COL18A1: variants seen among roughly 807,000 people sequenced by gnomAD.
COL18A1 encodes collagen type XVIII alpha 1 chain.
A neutral mutation model predicts 168.0 loss-of-function variants in COL18A1; 133 were observed. The observed-to-expected ratio is 0.79, with a 90% CI of 0.69 to 0.91. COL18A1 has a LOEUF of 0.91. Among genes scored for constraint, COL18A1 ranks in the 40% least tolerant of loss-of-function variants. The probability of loss-of-function intolerance (pLI) is 0.00; values close to 1 mark genes in which losing one functional copy is unlikely to be tolerated. For missense variants in COL18A1, 2,126 were observed against 1,925.4 expected (o/e 1.10, Z -1.95); for synonymous variants, 949 against 809.0 (o/e 1.17, Z -2.94).
intron 2 of COL18A1, chr21:45,467,480 G>T (rs919322326): frequency 1.4e-5 from 13 of 956,052 alleles, no homozygotes; most frequent in Non-Finnish European, 1.4e-5. Flanking sequence ...GAATCAGCAT[G>T]GGGGGGATGG....
chr21:45,412,121 C>T lies in COL18A1; in HGVS notation c.106+6648C>T, dbSNP rs189079940. Among the ~76,000 whole-genome samples, 431 of 152,264 alleles carry T rather than the reference C, an allele frequency of 2.8e-3. 2 individuals carry two copies. The highest frequency in any genetic ancestry group is 6.8e-3 in the Middle Eastern group (2 of 294). ...GCCCTGCAGGTGCATTCTCTTTCCC[C>T]GTAGCTTTTTGTCTGTTGATGCTTT... On this transcript the variant is annotated intron_variant, in intron 2 of 41. Transcript: ENST00000651438.
intron 17 of COL18A1, among the ~76,000 whole-genome samples, chr21:45,487,871 G>A (rs550278359): frequency 6.6e-6 from 1 of 152,366 alleles, no homozygotes; most frequent in African/African-American, 2.4e-5. Context: ...GGCCTGAGTA[G>A]AATCTGAAAT....
intron 6 of COL18A1, among the ~76,000 whole-genome samples, chr21:45,476,710 G>C (rs1164391947): frequency 2.0e-5 from 3 of 151,364 alleles, no homozygotes; most frequent in Admixed American, 6.6e-5. Context: ...TATGTGATGT[G>C]TATGTAGTGT....
chr21:45,454,477 G>A (rs2034732390), intron 2 of COL18A1, among the ~76,000 whole-genome samples: 1 of 152,196 alleles, frequency 6.6e-6, no homozygotes, highest in African/African-American at 2.4e-5. Flanking sequence ...TGGATTGTGG[G>A]GTGAAACCTG....
intron 2 of COL18A1, among the ~76,000 whole-genome samples, chr21:45,408,778 C>T (rs891485150): frequency 2.6e-5 from 4 of 152,164 alleles, no homozygotes; most frequent in Non-Finnish European, 5.9e-5. Flanking sequence ...GGAAGGAGAC[C>T]CGGCTGGGTC....
rs556399518 is a variant in COL18A1 at position 45,425,299 on chromosome 21, A to G, written c.106+19826A>G. On this transcript the variant is annotated intron_variant, in intron 2 of 41. Coordinates refer to ENST00000651438, the MANE Select transcript of COL18A1 (RefSeq NM_001379500.1). This position sits in a 1 kb window ranked among gnomAD's most constrained non-coding sequence, Gnocchi z 4.1. ...CGGCCGTGTGTGTGTGTGTGCTGTG[A>G]GTGCAGTGTGACCGCGTCCACCTGT... 1.5e-4 allele frequency among the ~76,000 whole-genome samples: 23 copies of G among 151,882 alleles called. No individual in the cohort carries two copies. The highest frequency in any genetic ancestry group is 2.6e-4 in the Non-Finnish European group (18 of 67,972).
intron 2 of COL18A1, among the ~76,000 whole-genome samples, chr21:45,453,106 CATT>C (rs1029502047): frequency 5.3e-5 from 8 of 151,054 alleles, no homozygotes; most frequent in Admixed American, 1.3e-4. Context: ...GACATGTAAG[CATT>C]ATGTATGTGT....
intron 22 of COL18A1, 83 bp from the exon 23 acceptor site, chr21:45,492,452 T>G: frequency 6.6e-7 from 1 of 1,516,578 alleles, no homozygotes; most frequent in Non-Finnish European, 9.2e-7. Flanking sequence ...GTTTGGTGTT[T>G]TGTTGATCTG....
At chr21:45,465,615 G>C (rs1451994786) in intron 2 of COL18A1, among the ~76,000 whole-genome samples, 2 of 152,190 alleles carry the variant, frequency 1.3e-5, no homozygotes. Flanking sequence ...AGCACTCCAT[G>C]TGGGCACGAG....
chr21:45,465,453 G>C (rs991651825), intron 2 of COL18A1, among the ~76,000 whole-genome samples: 2 of 152,220 alleles, frequency 1.3e-5, no homozygotes, highest in Non-Finnish European at 2.9e-5. Context: ...TTGATGCCAA[G>C]ATGTCCCCCC....
intron 2 of COL18A1, among the ~76,000 whole-genome samples, chr21:45,454,681 C>G (rs1290627333): frequency 3.3e-5 from 5 of 152,228 alleles, no homozygotes; most frequent in Admixed American, 2.0e-4. Flanking sequence ...ATAAGGCACA[C>G]TCAGCACCCA....
rs1178631191 is a variant in COL18A1, at chr21:45,473,262, C to T, written c.652-633C>T. On this transcript the variant is annotated intron_variant, in intron 3 of 41. Coordinates refer to ENST00000651438, the MANE Select transcript of COL18A1 (RefSeq NM_001379500.1). The surrounding 1 kb of genome is among the most constrained non-coding windows in gnomAD (Gnocchi z 4.0). ...GGCCCGAGAGGGCAGGGTCAGGCACCCTGGCACTCAGCCCAGGACTGAAGA... is the reference window on the plus strand; with the variant it reads ...GGCCCGAGAGGGCAGGGTCAGGCACTCTGGCACTCAGCCCAGGACTGAAGA... Among the ~76,000 whole-genome samples, 5 of 152,220 alleles carry T rather than the reference C, an allele frequency of 3.3e-5. No individual in the cohort carries two copies. The highest frequency in any genetic ancestry group is 1.2e-4 in the African/African-American group (5 of 41,470).
At position 45,490,340 on chromosome 21, in the gene COL18A1, GC is replaced by G; in HGVS notation, c.2029del (p.Gln677ArgfsTer47). 1 of 1,578,204 alleles carries G rather than the reference GC, an allele frequency of 6.3e-7. No individual in the cohort carries two copies. The highest frequency in any genetic ancestry group is 1.2e-5 in the South Asian group (1 of 86,448). On this transcript the variant is annotated frameshift_variant, in exon 20 of 42. Transcript: ENST00000651438. LOFTEE classifies it high-confidence loss of function. ...GLPGREGIAG[P>X]QGPKGDRGSR... ...TCCCTGGCAGAGAGGGCATTGCTGGGCCCCAGGTGAGTTGCCTTGGTGGGCC... is the reference window on the plus strand; with the variant it reads ...TCCCTGGCAGAGAGGGCATTGCTGGGCCCAGGTGAGTTGCCTTGGTGGGCC...
intron 32 of COL18A1, chr21:45,502,401 T>A (rs1241009644): frequency 6.6e-6 from 1 of 152,230 alleles, no homozygotes; most frequent in African/African-American, 2.4e-5. Context: ...CAGCTTTAAG[T>A]AGTACCTGTT....
chr21:45,470,482 T>G (rs1212881244), intron 3 of COL18A1, among the ~76,000 whole-genome samples: 6 of 122,780 alleles, frequency 4.9e-5, no homozygotes, highest in East Asian at 2.6e-4. Context: ...TTTTTGTGGG[T>G]TTTTTTTTTG....
chr21:45,492,500 CTT>C lies in COL18A1; in HGVS notation c.2158-33_2158-32del, dbSNP rs1169525823. On this transcript the variant is annotated intron_variant, in intron 22 of 41. Transcript: ENST00000651438. ...GTCCAGTTGAATTTTAAACGCGGCTCTTTGTTTCCGATTTTTCCTTTTGCTCG... is the reference window on the plus strand; with the variant it reads ...GTCCAGTTGAATTTTAAACGCGGCTCTGTTTCCGATTTTTCCTTTTGCTCG... The C allele has an allele frequency of 3.1e-6, 5 of 1,613,438 alleles. No individual in the cohort carries two copies. In the East Asian group the frequency reaches 8.9e-5, roughly 29 times the overall value.
intron 17 of COL18A1, among the ~76,000 whole-genome samples, chr21:45,488,191 G>C (rs2036182149): frequency 6.6e-6 from 1 of 152,244 alleles, no homozygotes; most frequent in African/African-American, 2.4e-5. Context: ...ACGGGTGGCT[G>C]GGACACATTT....
intron 2 of COL18A1, among the ~76,000 whole-genome samples, chr21:45,444,112 C>T (rs560348008): frequency 1.2e-4 from 19 of 152,322 alleles, no homozygotes; most frequent in Non-Finnish European, 2.6e-4. Context: ...CACATCCTGG[C>T]CTGGCGTGGT....
At position 45,473,696 on chromosome 21, in the gene COL18A1, G is replaced by A. The variant is rs769752756; in HGVS notation, c.652-199G>A. On this transcript the variant is annotated intron_variant, in intron 3 of 41. Transcript: ENST00000651438. The surrounding 1 kb of genome is among the most constrained non-coding windows in gnomAD (Gnocchi z 4.0). ...AGCCGGGTGCTTTCCACATGAAAGCGCCCAGGACGCCCCTGGGTCTCACCA... is the reference window on the plus strand; with the variant it reads ...AGCCGGGTGCTTTCCACATGAAAGCACCCAGGACGCCCCTGGGTCTCACCA... Among the ~76,000 whole-genome samples the A allele has an allele frequency of 1.6e-4, 24 of 152,280 alleles. No homozygotes were observed. Among genetic ancestry groups the A allele is most frequent in the Admixed American group, 8.5e-4 (13 of 15,304 alleles).
Sources: gnomAD v4.1 joint callset for allele counts (sites outside exome capture counted in the v4.1 genomes callset) on GRCh38, gnomAD v4.1.1 for gene constraint, Gnocchi (gnomAD v3.1) non-coding constraint, MANE v1.5 for transcripts, NCBI Gene and HGNC (gene_info 2026-07-23, HGNC 2026-07-21) for gene names.